CPPED1: variants seen among roughly 807,000 people sequenced by gnomAD.
CPPED1 encodes serine/threonine-protein phosphatase CPPED1.
A neutral mutation model predicts 28.0 loss-of-function variants in CPPED1; 28 were observed. The observed-to-expected ratio is 1.00, with a 90% CI of 0.74 to 1.37. The LOEUF (loss-of-function observed/expected upper bound fraction) is 1.37, where lower values mean the gene tolerates loss of function less well. Ranked by LOEUF, CPPED1 falls within the 40% of genes most tolerant of loss-of-function variation. CPPED1 has a pLI of 0.00. For missense variants in CPPED1, 504 were observed against 416.5 expected (o/e 1.21, Z -1.83); for synonymous variants, 198 against 180.2 (o/e 1.10, Z -0.79).
rs368957335 is a variant in CPPED1, at chr16:12,774,071, C to G, written c.289+7114G>C. The stretch of plus-strand genomic sequence containing the variant: ...GTTCTGACTCAAAGGCTCCTGTGCA[C>G]TGTATTTTATTTTTTCAGGTGAGAA... On this transcript the variant is annotated intron_variant, in intron 2 of 3. Coordinates refer to ENST00000381774, the MANE Select transcript of CPPED1 (RefSeq NM_018340.3). 2.4e-4 allele frequency among the ~76,000 whole-genome samples: 37 copies of G among 152,288 alleles called. 2 individuals carry two copies. The South Asian group carries it at 3.1e-3, about 13-fold the overall frequency.
chr16:12,744,228 G>A (rs1304828402), intron 2 of CPPED1, among the ~76,000 whole-genome samples: 1 of 151,420 alleles, frequency 6.6e-6, no homozygotes, highest in Non-Finnish European at 1.5e-5. Context: ...GTGAGATTGT[G>A]CCACTGCACT....
At chr16:12,666,030 C>T (rs1419688521) in intron 3 of CPPED1, among the ~76,000 whole-genome samples, 3 of 152,252 alleles carry the variant, frequency 2.0e-5, no homozygotes, top group Admixed American at 6.5e-5. Context: ...GGCAGGTTAT[C>T]GCTTGAACCC....
rs757801752 is a variant in CPPED1, at chr16:12,746,308, G to C, written c.289+34877C>G. ...GAAAATTGCTTGAGCCTTGGAGGCA[G>C]AGTTACAGTGAGCTGAGAGTGTACC... On this transcript the variant is annotated intron_variant, in intron 2 of 3. Coordinates refer to ENST00000381774, the MANE Select transcript of CPPED1 (RefSeq NM_018340.3). Among the ~76,000 whole-genome samples the C allele has an allele frequency of 2.8e-5, 4 of 145,362 alleles. 1 individual carries two copies. Among genetic ancestry groups the C allele is most frequent in the Middle Eastern group, 7.3e-3 (2 of 274 alleles).
At chr16:12,680,931 T>C (rs879748841) in intron 3 of CPPED1, among the ~76,000 whole-genome samples, 2 of 152,154 alleles carry the variant, frequency 1.3e-5, no homozygotes, top group Non-Finnish European at 2.9e-5. Context: ...GTCTGGTCCA[T>C]GTGATATAAA....
At chr16:12,765,195 A>G (rs762655361) in intron 2 of CPPED1, among the ~76,000 whole-genome samples, 6 of 152,200 alleles carry the variant, frequency 3.9e-5, no homozygotes, top group Non-Finnish European at 7.4e-5. Context: ...CTAATTAATG[A>G]AGGTATGTAA....
chr16:12,800,708 C>T (rs58098937), intron 1 of CPPED1, among the ~76,000 whole-genome samples: 39,409 of 152,016 alleles, frequency 0.26, 6,563 homozygotes, highest in African/African-American at 0.47. Flanking sequence ...TCAGCCCACA[C>T]CATGTCCCAA....
rs1264159160 is a variant in CPPED1 at position 12,701,300 on chromosome 16, C to T, written c.715+3324G>A. ...ATTCCAGCACTTTGGGAGGCTGAGG[C>T]GGGCAGATCACTTGAGGTCAGTCAG... On this transcript the variant is annotated intron_variant, in intron 3 of 3. Transcript: ENST00000381774. Among the ~76,000 whole-genome samples, 6 of 151,894 alleles carry T rather than the reference C, an allele frequency of 4.0e-5. No homozygotes were observed. In the South Asian group the frequency reaches 1.2e-3, roughly 32 times the overall value.
intron 2 of CPPED1, among the ~76,000 whole-genome samples, chr16:12,772,184 G>C (rs939806492): frequency 1.3e-5 from 2 of 152,126 alleles, no homozygotes; most frequent in African/African-American, 4.8e-5. Context: ...AGTGTTGATG[G>C]TCATTTGGCC....
At chr16:12,782,635 G>A (rs908766963) in intron 1 of CPPED1, among the ~76,000 whole-genome samples, 15 of 150,716 alleles carry the variant, frequency 1.0e-4, no homozygotes, top group African/African-American at 2.2e-4. Context: ...CAACATGGAC[G>A]AATCACCTGA....
At chr16:12,802,407 G>C (rs747963779) in intron 1 of CPPED1, among the ~76,000 whole-genome samples, 13 of 152,112 alleles carry the variant, frequency 8.5e-5, no homozygotes, top group Non-Finnish European at 1.9e-4. Flanking sequence ...TTCGAGACCA[G>C]CCTGGCCAAC....
chr16:12,677,096 A>C (rs1412742106), intron 3 of CPPED1, among the ~76,000 whole-genome samples: 1 of 152,148 alleles, frequency 6.6e-6, no homozygotes, highest in East Asian at 1.9e-4. Flanking sequence ...ACCAAACGTA[A>C]AGGCTCCTGC....
intron 2 of CPPED1, among the ~76,000 whole-genome samples, chr16:12,727,698 C>T (rs1182131191): frequency 6.6e-6 from 1 of 152,078 alleles, no homozygotes; most frequent in East Asian, 1.9e-4. Context: ...AATGTTAATT[C>T]CTCAAATAAT....
intron 2 of CPPED1, among the ~76,000 whole-genome samples, chr16:12,779,450 G>C (rs547848515): frequency 6.6e-6 from 1 of 151,512 alleles, no homozygotes; most frequent in East Asian, 1.9e-4. Context: ...GTGCAGTGGC[G>C]CGATCTCAGC....
chr16:12,672,745 T>G (rs1301730461), intron 3 of CPPED1, among the ~76,000 whole-genome samples: 1 of 152,056 alleles, frequency 6.6e-6, no homozygotes, highest in Non-Finnish European at 1.5e-5. Flanking sequence ...ATTAATCGGG[T>G]GATTGGGAAT....
intron 2 of CPPED1, among the ~76,000 whole-genome samples, chr16:12,731,347 G>A (rs2080196290): frequency 1.3e-5 from 2 of 150,624 alleles, no homozygotes; most frequent in African/African-American, 4.9e-5. Context: ...TAGAGACGGG[G>A]TTTCACTGCA....
intron 2 of CPPED1, among the ~76,000 whole-genome samples, chr16:12,749,714 A>C (rs986541928): frequency 6.6e-6 from 1 of 152,066 alleles, no homozygotes; most frequent in East Asian, 1.9e-4. Context: ...CAGCCTCCCA[A>C]GTAGCTTGAA....
chr16:12,688,688 T>C (rs928798019), intron 3 of CPPED1, among the ~76,000 whole-genome samples: 1 of 152,152 alleles, frequency 6.6e-6, no homozygotes, highest in Non-Finnish European at 1.5e-5. Context: ...CTTTCCTGAC[T>C]TTTCTCCAAG....
chr16:12,744,343 A>AGCTC (rs2080273649), intron 2 of CPPED1, among the ~76,000 whole-genome samples: 1 of 151,884 alleles, frequency 6.6e-6, no homozygotes, highest in African/African-American at 2.4e-5. Context: ...CAAGCAAGCA[A>AGCTC]GCTCAACTTC....
chr16:12,662,626 G>A lies in CPPED1; in HGVS notation c.*2260C>T, dbSNP rs1042223266. ...AGCTCCCATTTATGAGTGAGAACAT[G>A]AAGTATTCGACTTTCTACTTCTAAG... On this transcript the variant is annotated 3_prime_UTR_variant, in exon 4 of 4. Transcript: ENST00000381774. The A allele has an allele frequency of 2.6e-5, 4 of 152,162 alleles. No homozygotes were observed. The highest frequency in any genetic ancestry group is 9.7e-5 in the African/African-American group (4 of 41,440). The allele number at this position is 152,162 out of a possible 1,614,324, so 9.4% of individuals were successfully genotyped here. A position where few individuals can be genotyped will look rare whatever the true frequency, so the allele number is the denominator to read the frequency against.
Sources: allele counts gnomAD v4.1 joint callset (sites outside exome capture counted in the v4.1 genomes callset), GRCh38; gene constraint gnomAD v4.1.1; transcripts MANE v1.5; gene names NCBI Gene and HGNC (gene_info 2026-07-23, HGNC 2026-07-21).